DDC: variants seen among roughly 807,000 people sequenced by gnomAD.
DDC encodes dopa decarboxylase, also known as aromatic-L-amino-acid decarboxylase.
A neutral mutation model predicts 60.0 loss-of-function variants in DDC; 43 were observed. The observed-to-expected ratio is 0.72, with a 90% CI of 0.56 to 0.92. The LOEUF is 0.92. DDC is among the 40% of genes least tolerant of loss of function. The probability of loss-of-function intolerance (pLI) is 0.00; values close to 1 mark genes in which losing one functional copy is unlikely to be tolerated. For synonymous variants in DDC, 232 were observed against 234.6 expected (o/e 0.99, Z 0.10); for missense variants, 573 against 620.2 (o/e 0.92, Z 0.81).
At chr7:50,510,575 A>G (rs898894234) in intron 6 of DDC, among the ~76,000 whole-genome samples, 1 of 151,138 alleles carries the variant, frequency 6.6e-6, no homozygotes, top group Non-Finnish European at 1.5e-5. Context: ...AGGCTGAGGC[A>G]GGAGAATCAC....
At chr7:50,512,547 G>T (rs1242080303) in intron 6 of DDC, among the ~76,000 whole-genome samples, 1 of 152,160 alleles carries the variant, frequency 6.6e-6, no homozygotes, top group East Asian at 1.9e-4. Flanking sequence ...CAGGCCCATG[G>T]CACATAGCTG....
chr7:50,524,852 T>G (rs1480854563), intron 6 of DDC, among the ~76,000 whole-genome samples: 1 of 152,212 alleles, frequency 6.6e-6, no homozygotes, highest in Non-Finnish European at 1.5e-5. Flanking sequence ...TGAAAGTATA[T>G]GTCCACCCAA....
At chr7:50,487,631 T>C (rs942003495) in intron 9 of DDC, among the ~76,000 whole-genome samples, 1 of 152,272 alleles carries the variant, frequency 6.6e-6, no homozygotes, top group African/African-American at 2.4e-5. Flanking sequence ...TATGTATACA[T>C]ACATGCATTT....
At chr7:50,498,192 A>G (rs986759374) in intron 8 of DDC, among the ~76,000 whole-genome samples, 2 of 152,220 alleles carry the variant, frequency 1.3e-5, no homozygotes, top group Admixed American at 1.3e-4. Flanking sequence ...GATAGGGAGG[A>G]TATCTAACTC....
intron 11 of DDC, among the ~76,000 whole-genome samples, chr7:50,475,689 G>A (rs1479573772): frequency 3.6e-5 from 3 of 83,770 alleles, no homozygotes; most frequent in Non-Finnish European, 2.5e-5. Flanking sequence ...CGTGGACACA[G>A]GTCATTTTTT....
chr7:50,538,431 T>C (rs2044493133), intron 3 of DDC, among the ~76,000 whole-genome samples: 1 of 152,206 alleles, frequency 6.6e-6, no homozygotes, highest in Non-Finnish European at 1.5e-5. Context: ...CAGGCTGGTC[T>C]TGAGCCCCAT....
intron 1 of DDC, among the ~76,000 whole-genome samples, chr7:50,562,178 C>T (rs1222657310): frequency 6.6e-6 from 1 of 152,206 alleles, no homozygotes; most frequent in African/African-American, 2.4e-5. Context: ...AGCGGCCTTC[C>T]AGGCAGCAGA....
At chr7:50,460,205 C>G (rs186102659) in intron 14 of DDC, among the ~76,000 whole-genome samples, 1 of 140,646 alleles carries the variant, frequency 7.1e-6, no homozygotes, top group Admixed American at 6.9e-5. Context: ...GCCCCTGGCC[C>G]GGCCAGCCGC....
intron 1 of DDC, among the ~76,000 whole-genome samples, chr7:50,556,263 G>C (rs932503845): frequency 6.6e-6 from 1 of 152,194 alleles, no homozygotes; most frequent in Non-Finnish European, 1.5e-5. Context: ...GAGGCTGGAA[G>C]TCCAAGATTA....
intron 1 of DDC, among the ~76,000 whole-genome samples, chr7:50,548,376 A>G (rs2044874671): frequency 6.6e-6 from 1 of 152,250 alleles, no homozygotes; most frequent in African/African-American, 2.4e-5. Context: ...TATCCAGGCT[A>G]TGAAAGCAAT....
At chr7:50,479,943 C>T in intron 9 of DDC, 80 bp from the exon 10 acceptor site, 6 of 1,102,206 alleles carry the variant, frequency 5.4e-6, no homozygotes, top group Non-Finnish European at 8.1e-6. Flanking sequence ...CCACCTGCCT[C>T]AGCTCAGGCA....
At chr7:50,524,390 T>G (rs2043982745) in intron 6 of DDC, among the ~76,000 whole-genome samples, 1 of 152,166 alleles carries the variant, frequency 6.6e-6, no homozygotes, top group Admixed American at 6.5e-5. Flanking sequence ...GAAATGAAGG[T>G]TGGGATATAA....
At chr7:50,462,760 T>C (rs887625545) in intron 14 of DDC, among the ~76,000 whole-genome samples, 23 of 145,020 alleles carry the variant, frequency 1.6e-4, no homozygotes, top group Non-Finnish European at 8.9e-5. Flanking sequence ...TGGTTTTCTC[T>C]TCTTCTTGTT....
chr7:50,479,445 T>C (rs2042718521), intron 10 of DDC, among the ~76,000 whole-genome samples: 1 of 152,272 alleles, frequency 6.6e-6, no homozygotes. Flanking sequence ...GTAGACATTA[T>C]GGCTGTCATT....
At chr7:50,552,791 C>T (rs1434805105) in intron 1 of DDC, among the ~76,000 whole-genome samples, 1 of 151,970 alleles carries the variant, frequency 6.6e-6, no homozygotes, top group Non-Finnish European at 1.5e-5. Flanking sequence ...TGTAATATAC[C>T]CTATTGGACT....
intron 1 of DDC, among the ~76,000 whole-genome samples, chr7:50,545,148 G>A (rs1447015029): frequency 2.0e-5 from 3 of 152,224 alleles, no homozygotes; most frequent in Non-Finnish European, 4.4e-5. Context: ...TACATTATGA[G>A]AGCTGACGCA....
chr7:50,461,369 A>G (rs2042269478), intron 14 of DDC, among the ~76,000 whole-genome samples: 1 of 152,224 alleles, frequency 6.6e-6, no homozygotes, highest in African/African-American at 2.4e-5. Context: ...AAATCAAGAT[A>G]TTAAGATTTT....
chr7:50,546,687 G>A lies in DDC; in HGVS notation c.-28-2574C>T, dbSNP rs1252471820. On this transcript the variant is annotated intron_variant, in intron 1 of 14. Coordinates refer to ENST00000444124, the MANE Select transcript of DDC (RefSeq NM_001082971.2). ...TTCCATGTTCTCTGTTAAATGAACA[G>A]TTACAGAAGTTTTTATGTCATTTCA... Among the ~76,000 whole-genome samples, 3 of 152,200 alleles carry A rather than the reference G, an allele frequency of 2.0e-5. No homozygotes were observed. The East Asian group carries it at 5.8e-4, about 29-fold the overall frequency.
At chr7:50,529,627 T>TC (rs1563031065) in intron 4 of DDC, among the ~76,000 whole-genome samples, 1 of 152,188 alleles carries the variant, frequency 6.6e-6, no homozygotes, top group African/African-American at 2.4e-5. Context: ...GAGCTTCTCC[T>TC]CATGGACTGC....
Sources: allele counts gnomAD v4.1 joint callset (sites outside exome capture counted in the v4.1 genomes callset), GRCh38; gene constraint gnomAD v4.1.1; transcripts MANE v1.5; gene names NCBI Gene and HGNC (gene_info 2026-07-23, HGNC 2026-07-21).